NOTCH1: variants seen among roughly 807,000 people sequenced by gnomAD.
NOTCH1 encodes neurogenic locus notch homolog protein 1.
Under a neutral mutation model 254.8 loss-of-function variants are expected in NOTCH1, and 37 were observed. The ratio of observed to expected loss-of-function variants is 0.15; its 90% confidence interval spans 0.11 to 0.19. NOTCH1 has a LOEUF of 0.19. Ranked by LOEUF, NOTCH1 falls within the 10% of genes least tolerant of loss-of-function variation. The pLI is 1.00. For missense variants in NOTCH1, 2,972 were observed against 3,708.6 expected (o/e 0.80, Z 5.16); for synonymous variants, 1,731 against 1,618.1 (o/e 1.07, Z -1.68).
At chr9:136,544,565 AG>A (rs566793843) in intron 1 of NOTCH1, among the ~76,000 whole-genome samples, 26 of 150,644 alleles carry the variant, frequency 1.7e-4, no homozygotes, top group South Asian at 4.3e-4. Flanking sequence ...GGACGGGGGG[AG>A]GGGGGGTGGC....
At position 136,504,675 on chromosome 9, in the gene NOTCH1, G is replaced by A. The variant is rs1251609154; in HGVS notation, c.5016C>T (p.Arg1672=). 7.9e-6 allele frequency: 12 copies of A among 1,510,904 alleles called. No homozygotes were observed. Among genetic ancestry groups the A allele is most frequent in the Admixed American group, 6.3e-5 (3 of 47,818 alleles). 93.6% of individuals were successfully genotyped at this position (1,510,904 alleles called of 1,614,324 possible). Reference sequence around the variant, plus strand: ...CGTGGGCGCCGGGTCTCACTCACCCGCGGACGTCCATGGGGTCCAGCTCCC... The same window carrying A: ...CGTGGGCGCCGGGTCTCACTCACCCACGGACGTCCATGGGGTCCAGCTCCC... ...RRRELDPMDV[R]GSIVYLEIDN... Residue 1672 remains arginine (R), a splice_region_variant and synonymous_variant, in exon 26 of 34, where the codon CGC becomes CGT. Coordinates refer to ENST00000651671, the MANE Select transcript of NOTCH1 (RefSeq NM_017617.5).
At chr9:136,499,617 GCTCACGGCCCTAC>G (rs1842966518) in intron 31 of NOTCH1, among the ~76,000 whole-genome samples, 1 of 152,232 alleles carries the variant, frequency 6.6e-6, no homozygotes, top group Non-Finnish European at 1.5e-5. Context: ...AGGAAGCCGG[GCTCACGGCCCTAC>G]AGCCGTCTCA....
chr9:136,543,640 AGAG>A (rs1717584243), intron 2 of NOTCH1: 1 of 394,144 alleles, frequency 2.5e-6, no homozygotes, highest in Non-Finnish European at 4.8e-6. Context: ...TCACCCGCCC[AGAG>A]GAGGCGCCCC....
chr9:136,510,622 T>C (rs758696249), intron 17 of NOTCH1, 31 bp downstream of exon 17: 1 of 1,593,804 alleles, frequency 6.3e-7, no homozygotes. Flanking sequence ...GAGAGCTTCC[T>C]GGAGGAGGCC....
In NOTCH1 at chr9:136,495,370, G is replaced by A; in HGVS notation, c.*701C>T. The A allele has an allele frequency of 2.5e-6, 1 of 398,856 alleles. No homozygotes were observed. The highest frequency in any genetic ancestry group is 4.4e-6 in the Non-Finnish European group (1 of 226,118). The allele number at this position is 398,856 out of a possible 1,614,324, so 24.7% of individuals were successfully genotyped here. On this transcript the variant is annotated 3_prime_UTR_variant, in exon 34 of 34. Transcript: ENST00000651671. ...CAAAGATTCATGATTGGTACCATGGGTGCACTCTTGGCATACACACTCCGA... is the reference window on the plus strand; with the variant it reads ...CAAAGATTCATGATTGGTACCATGGATGCACTCTTGGCATACACACTCCGA...
Position 136,513,159 on chromosome 9 carries a change from G to A in NOTCH1, c.2354-25C>T. 6.4e-7 allele frequency: 1 copy of A among 1,574,334 alleles called. No individual in the cohort carries two copies. The highest frequency in any genetic ancestry group is 8.7e-7 in the Non-Finnish European group (1 of 1,145,098). On this transcript the variant is annotated intron_variant, in intron 14 of 33. Transcript: ENST00000651671. The surrounding 1 kb of genome is among the most constrained non-coding windows in gnomAD (Gnocchi z 4.7). ...CCTGGAGGGAAGGGGACAGCACTCG[G>A]CATGTCCAGCACTCCCAGGCACCTT...
At chr9:136,499,026 G>A (rs1842958138) in intron 32 of NOTCH1, 30 bp from the exon 33 acceptor site, 1 of 1,612,840 alleles carries the variant, frequency 6.2e-7, no homozygotes, top group Non-Finnish European at 8.5e-7. Context: ...GGGGTAGGTT[G>A]GAGACCAGCT....
chr9:136,544,594 C>T (rs1236223246), intron 1 of NOTCH1, among the ~76,000 whole-genome samples: 1 of 151,422 alleles, frequency 6.6e-6, no homozygotes, highest in Non-Finnish European at 1.5e-5. Context: ...AGCTCCCGCC[C>T]GTGGGAAAAT....
rs376139196 is a variant in NOTCH1, at chr9:136,518,571, C to T, written c.1099+20G>A. 1.7e-5 allele frequency: 28 copies of T among 1,603,558 alleles called. No homozygotes were observed. The African/African-American group carries it at 3.3e-4, about 19-fold the overall frequency. On this transcript the variant is annotated intron_variant, in intron 6 of 33. Coordinates refer to ENST00000651671, the MANE Select transcript of NOTCH1 (RefSeq NM_017617.5). ...GCCCATGTGAGCCCCCTGCGCCCAC[C>T]TGGGCCTCAAGGCACTCACCTGTGC...
chr9:136,495,297 C>T lies in NOTCH1; in HGVS notation c.*774G>A. On this transcript the variant is annotated 3_prime_UTR_variant, in exon 34 of 34. Coordinates refer to ENST00000651671, the MANE Select transcript of NOTCH1 (RefSeq NM_017617.5). ...GGGGCCGGGGTGGTTCTGGAGGGAC[C>T]AAGAACTTGTATAACCAACGAACAA... 2.5e-6 allele frequency: 1 copy of T among 398,962 alleles called. No individual in the cohort carries two copies. Among genetic ancestry groups the T allele is most frequent in the Non-Finnish European group, 4.4e-6 (1 of 226,084 alleles). 24.7% of individuals were successfully genotyped at this position (398,962 alleles called of 1,614,324 possible).
Position 136,540,381 on chromosome 9 carries a change from A to T in NOTCH1, c.140+3643T>A, listed in dbSNP as rs1031192151. On this transcript the variant is annotated intron_variant, in intron 2 of 33. Transcript: ENST00000651671. The surrounding 1 kb of genome is among the most constrained non-coding windows in gnomAD (Gnocchi z 4.4). ...GAGCTGGAGCCATCCTGGGAGATGG[A>T]CTTCCCCAGAGCCGGCAAGTCCCTC... 1.3e-5 allele frequency among the ~76,000 whole-genome samples: 2 copies of T among 151,924 alleles called. No homozygotes were observed. Among genetic ancestry groups the T allele is most frequent in the South Asian group, 2.1e-4 (1 of 4,822 alleles).
chr9:136,501,715 G>T (rs1436015527), intron 30 of NOTCH1, 33 bp downstream of exon 30: 1 of 1,607,456 alleles, frequency 6.2e-7, no homozygotes, highest in Admixed American at 1.7e-5. Context: ...TGGGCCACGG[G>T]GCTAGGGAAG....
intron 4 of NOTCH1, 143 bp downstream of exon 4, chr9:136,522,707 T>C (rs2133377051): frequency 6.4e-6 from 5 of 781,426 alleles, no homozygotes; most frequent in Non-Finnish European, 9.9e-6. Context: ...CCACACGCAG[T>C]CTGGGGAACT....
chr9:136,519,820 C>T (rs1006428504), intron 4 of NOTCH1, among the ~76,000 whole-genome samples: 9 of 152,226 alleles, frequency 5.9e-5, no homozygotes. Context: ...TCACAAAAAC[C>T]CTTGGGTCTC....
At chr9:136,525,606 G>A (rs1022528172) in intron 2 of NOTCH1, among the ~76,000 whole-genome samples, 4 of 152,194 alleles carry the variant, frequency 2.6e-5, no homozygotes, top group African/African-American at 4.8e-5. Context: ...TGCGGCGGCC[G>A]CCTGCCCCAG....
intron 6 of NOTCH1, 148 bp from the exon 7 acceptor site, chr9:136,518,440 G>GA: frequency 4.3e-6 from 5 of 1,172,964 alleles, no homozygotes; most frequent in Non-Finnish European, 3.7e-6. Context: ...GACGTTCCGG[G>GA]GGACTCACAG....
In NOTCH1 at chr9:136,503,312, C is replaced by T; in HGVS notation, c.5037G>A (p.Glu1679=). Residue 1679 remains glutamate (E), a synonymous_variant, in exon 27 of 34, where the codon GAG becomes GAA. Coordinates refer to ENST00000651671, the MANE Select transcript of NOTCH1 (RefSeq NM_017617.5). ...MDVRGSIVYL[E]IDNRQCVQAS... ...CCTGCACACACTGCCGGTTGTCAAT[C>T]TCCAGGTAGACGATGGAGCTGGGCG... The T allele has an allele frequency of 6.2e-7, 1 of 1,612,934 alleles. No homozygotes were observed. Among genetic ancestry groups the T allele is most frequent in the Non-Finnish European group, 8.5e-7 (1 of 1,179,878 alleles).
At chr9:136,524,370 G>A (rs1843425643) in intron 2 of NOTCH1, among the ~76,000 whole-genome samples, 1 of 152,200 alleles carries the variant, frequency 6.6e-6, no homozygotes, top group Admixed American at 6.5e-5. Flanking sequence ...GGATGTTCCA[G>A]CAGAACCCAG....
chr9:136,517,306 G>A lies in NOTCH1; in HGVS notation c.1521C>T (p.Asp507=). 5 of 1,609,444 alleles carry A rather than the reference G, an allele frequency of 3.1e-6. No individual in the cohort carries two copies. Among genetic ancestry groups the A allele is most frequent in the Non-Finnish European group, 4.2e-6 (5 of 1,178,404 alleles). ...SPCLHNGRCL[D]KINEFQCECP... is the part of the protein sequence containing the mutation. ...ACTCGCACTGGAACTCATTGATCTT[G>A]TCCAGGCAGCGGCCATTGTGCAGGC... is the stretch of plus-strand genomic sequence containing the variant. The change falls in exon 9 of 34, where the codon GAC becomes GAT. Residue 507 remains aspartate (D), a synonymous_variant. Coordinates refer to ENST00000651671, the MANE Select transcript of NOTCH1 (RefSeq NM_017617.5).
Sources: gnomAD v4.1 joint callset for allele counts (sites outside exome capture counted in the v4.1 genomes callset) on GRCh38, gnomAD v4.1.1 for gene constraint, Gnocchi (gnomAD v3.1) non-coding constraint, MANE v1.5 for transcripts, NCBI Gene and HGNC (gene_info 2026-07-23, HGNC 2026-07-21) for gene names.